Variants in R3HDM1 observed in about 807,000 individuals in gnomAD.
The protein encoded by R3HDM1 is R3H domain-containing protein 1.
A neutral mutation model predicts 141.1 loss-of-function variants in R3HDM1; 46 were observed. The ratio of observed to expected loss-of-function variants is 0.33; its 90% CI spans 0.26 to 0.42. R3HDM1 has a LOEUF of 0.42. Among genes scored for constraint, R3HDM1 ranks in the 10% least tolerant of loss-of-function variants. The probability of loss-of-function intolerance (pLI) is 1.00; values close to 1 mark genes in which losing one functional copy is unlikely to be tolerated. For synonymous variants in R3HDM1, 435 were observed against 472.9 expected (o/e 0.92, Z 1.04); for missense variants, 1,184 against 1,368.3 (o/e 0.87, Z 2.12).
At chr2:135,584,375 T>G (rs1206155386) in intron 1 of R3HDM1, 9 of 937,208 alleles carry the variant, frequency 9.6e-6, no homozygotes, top group Non-Finnish European at 1.1e-5. Context: ...TGAGGATTTA[T>G]TTGAAAGTTT....
At chr2:135,584,827 G>A (rs749756528) in intron 1 of R3HDM1, among the ~76,000 whole-genome samples, 4 of 152,146 alleles carry the variant, frequency 2.6e-5, no homozygotes, top group Non-Finnish European at 4.4e-5. Flanking sequence ...GTGTAAGTGG[G>A]TTGCTTCATT....
intron 26 of R3HDM1, among the ~76,000 whole-genome samples, chr2:135,723,217 G>T (rs1239261068): frequency 6.6e-6 from 1 of 151,846 alleles, no homozygotes; most frequent in Non-Finnish European, 1.5e-5. Flanking sequence ...CACCTCCCAG[G>T]TTCAAGCAGT....
chr2:135,592,750 T>A (rs1445446764), intron 1 of R3HDM1, among the ~76,000 whole-genome samples: 2 of 151,088 alleles, frequency 1.3e-5, no homozygotes, highest in Non-Finnish European at 3.0e-5. Context: ...TTTTTTATTA[T>A]TTTTTTTTAT....
chr2:135,712,485 T>C (rs533076209), intron 23 of R3HDM1, among the ~76,000 whole-genome samples: 16 of 148,944 alleles, frequency 1.1e-4, no homozygotes, highest in African/African-American at 4.0e-4. Context: ...TTGCCCAGGC[T>C]AGTCTCAAAT....
chr2:135,614,542 AAGT>A (rs2060841553), intron 3 of R3HDM1, among the ~76,000 whole-genome samples: 1 of 152,252 alleles, frequency 6.6e-6, no homozygotes, highest in Non-Finnish European at 1.5e-5. Flanking sequence ...AAGTAAACTG[AAGT>A]AATTTGACCA....
chr2:135,719,440 T>G lies in R3HDM1; in HGVS notation c.2882-2484T>G, dbSNP rs553696449. ...TTGCAGTGAGCAGAGATGGTGCCAC[T>G]GCACTCCAGCCTGTGTGACAGAGCA... is the stretch of plus-strand genomic sequence containing the variant. On this transcript the variant is annotated intron_variant, in intron 24 of 26. Coordinates refer to ENST00000683871, the MANE Select transcript of R3HDM1 (RefSeq NM_001378107.1). Among the ~76,000 whole-genome samples, 84 of 151,646 alleles carry G rather than the reference T, an allele frequency of 5.5e-4. 2 individuals are homozygous for G. Among genetic ancestry groups the G allele is most frequent in the South Asian group, 1.5e-3 (7 of 4,814 alleles).
chr2:135,688,048 T>G lies in R3HDM1; in HGVS notation c.2459+7724T>G, dbSNP rs533682257. On this transcript the variant is annotated intron_variant, in intron 21 of 26. Coordinates refer to ENST00000683871, the MANE Select transcript of R3HDM1 (RefSeq NM_001378107.1). ...GGACACGTTCAGTGTGGCAAAAAAGTTTGAATCATCAGGCAAGCACATTCC... is the reference window on the plus strand; with the variant it reads ...GGACACGTTCAGTGTGGCAAAAAAGGTTGAATCATCAGGCAAGCACATTCC... 3.9e-5 allele frequency among the ~76,000 whole-genome samples: 6 copies of G among 152,336 alleles called. No individual in the cohort carries two copies. The South Asian group carries it at 1.2e-3, about 32-fold the overall frequency.
chr2:135,718,915 A>AGG (rs2076420670), intron 24 of R3HDM1, among the ~76,000 whole-genome samples: 1 of 151,744 alleles, frequency 6.6e-6, no homozygotes, highest in South Asian at 2.1e-4. Context: ...TGGGAGGCTG[A>AGG]GGTGGGTGGA....
chr2:135,573,996 T>C (rs932827815), intron 1 of R3HDM1, among the ~76,000 whole-genome samples: 4 of 152,032 alleles, frequency 2.6e-5, no homozygotes, highest in African/African-American at 9.7e-5. Flanking sequence ...CTAAAGAGCA[T>C]ACCCAGAAGG....
chr2:135,636,887 G>A (rs1406298239), intron 11 of R3HDM1, among the ~76,000 whole-genome samples: 1 of 152,022 alleles, frequency 6.6e-6, no homozygotes, highest in Non-Finnish European at 1.5e-5. Flanking sequence ...CCTGTAGTAA[G>A]TGCTATCCTA....
intron 1 of R3HDM1, among the ~76,000 whole-genome samples, chr2:135,560,322 A>G (rs984016544): frequency 7.9e-5 from 12 of 152,112 alleles, no homozygotes; most frequent in Admixed American, 3.3e-4. Context: ...ACCACAATCT[A>G]TGATATTTTG....
At chr2:135,671,221 G>A (rs1162721403) in intron 19 of R3HDM1, among the ~76,000 whole-genome samples, 2 of 151,342 alleles carry the variant, frequency 1.3e-5, no homozygotes, top group African/African-American at 2.4e-5. Flanking sequence ...TTTAGCTGCT[G>A]TACAGTTTTC....
chr2:135,656,010 CA>C (rs1408674840), intron 18 of R3HDM1, among the ~76,000 whole-genome samples: 1 of 152,112 alleles, frequency 6.6e-6, no homozygotes, highest in Non-Finnish European at 1.5e-5. Flanking sequence ...TTACTCTGGT[CA>C]TCATTGATTT....
At position 135,635,894 on chromosome 2, in the gene R3HDM1, G is replaced by C. The variant is rs565430350; in HGVS notation, c.703G>C (p.Asp235His). ...VNKTSNTRIP[D>H]QKFNEHIKDD... ...TTTTTGTTTTTGTTTTTTAAGACCT[G>C]ATCAGAAATTTAATGAACATATTAA... The change falls in exon 10 of 27, where the codon GAT becomes CAT. Residue 235 changes from aspartate to histidine, a missense_variant. Coordinates refer to ENST00000683871, the MANE Select transcript of R3HDM1 (RefSeq NM_001378107.1). 6.3e-7 allele frequency: 1 copy of C among 1,589,770 alleles called. No individual in the cohort carries two copies. Among genetic ancestry groups the C allele is most frequent in the East Asian group, 2.2e-5 (1 of 44,574 alleles).
At chr2:135,545,622 A>G (rs1698527257) in intron 1 of R3HDM1, among the ~76,000 whole-genome samples, 2 of 152,204 alleles carry the variant, frequency 1.3e-5, no homozygotes, top group South Asian at 2.1e-4. Flanking sequence ...CCTGTAGACA[A>G]TTGGGAATTA....
intron 1 of R3HDM1, among the ~76,000 whole-genome samples, chr2:135,571,473 A>T (rs1704093673): frequency 6.6e-6 from 1 of 151,400 alleles, no homozygotes; most frequent in Admixed American, 6.6e-5. Context: ...CTACATGCGC[A>T]CACCACCACA....
chr2:135,708,542 T>C (rs547513243), intron 21 of R3HDM1, among the ~76,000 whole-genome samples: 1 of 152,354 alleles, frequency 6.6e-6, no homozygotes, highest in East Asian at 1.9e-4. Context: ...ATATAAATTA[T>C]GGCTCTCAGT....
chr2:135,555,375 G>C (rs980768774), intron 1 of R3HDM1, among the ~76,000 whole-genome samples: 2 of 151,736 alleles, frequency 1.3e-5, no homozygotes, highest in Non-Finnish European at 2.9e-5. Flanking sequence ...AGATACCTTT[G>C]TGTCTATAAT....
chr2:135,566,698 G>A, intron 1 of R3HDM1: 1 of 977,618 alleles, frequency 1.0e-6, no homozygotes, highest in Non-Finnish European at 1.2e-6. Context: ...TGAGCAAGAG[G>A]TTCAGATTAA....
Sources: gnomAD v4.1 joint callset for allele counts (sites outside exome capture counted in the v4.1 genomes callset) on GRCh38, gnomAD v4.1.1 for gene constraint, MANE v1.5 for transcripts, NCBI Gene and HGNC (gene_info 2026-07-23, HGNC 2026-07-21) for gene names.